Variants in LIG3 observed in about 807,000 individuals in gnomAD.
The protein encoded by LIG3 is ligase II, DNA, ATP-dependent.
Under a neutral mutation model 110.9 loss-of-function variants are expected in LIG3, and 58 were observed. The observed-to-expected ratio is 0.52, with a 90% CI of 0.42 to 0.65. The LOEUF (loss-of-function observed/expected upper bound fraction) is 0.65. Among genes scored for constraint, LIG3 ranks in the 30% least tolerant of loss-of-function variants. The pLI is 0.00. For synonymous variants in LIG3, 422 were observed against 472.8 expected (o/e 0.89, Z 1.39); for missense variants, 1,094 against 1,273.8 (o/e 0.86, Z 2.15).
At position 35,004,284 on chromosome 17, in the gene LIG3, C is replaced by T. The variant is rs1474307181; in HGVS notation, c.2808C>T (p.Asp936=). 1.9e-6 allele frequency: 3 copies of T among 1,614,084 alleles called. No homozygotes were observed. The East Asian group carries it at 6.7e-5, about 36-fold the overall frequency. ...ETLCQTKVLL[D]IFTGVRLYLP... ...CTCTGCATTTGCAGGTATTGCTGGA[C>T]ATCTTCACTGGGGTGCGGCTTTACT... The change falls in exon 20 of 20, where the codon GAC becomes GAT. Residue 936 remains aspartate, a synonymous_variant. Transcript: ENST00000378526.
At chr17:34,982,949 C>T (rs905057987) in intron 1 of LIG3, 53 bp from the exon 2 acceptor site, 9 of 1,430,626 alleles carry the variant, frequency 6.3e-6, no homozygotes, top group Non-Finnish European at 8.4e-6. Flanking sequence ...GGAAGCCTAT[C>T]TCCTTGTTTA....
chr17:34,997,663 G>A (rs1270998231), intron 11 of LIG3, 75 bp from the exon 12 acceptor site: 1 of 1,036,088 alleles, frequency 9.7e-7, no homozygotes, highest in African/African-American at 1.6e-5. Flanking sequence ...TTATCATTGT[G>A]GCCCTTCCTT....
intron 13 of LIG3, 143 bp downstream of exon 13, chr17:34,998,439 G>T (rs1471685917): frequency 2.2e-5 from 24 of 1,096,956 alleles, no homozygotes; most frequent in Non-Finnish European, 3.0e-5. Flanking sequence ...ATGTGTCCTG[G>T]ATCTGGAGGA....
At chr17:34,992,836 T>G (rs1405076705) in intron 8 of LIG3, 144 bp downstream of exon 8, 1 of 791,476 alleles carries the variant, frequency 1.3e-6, no homozygotes, top group Non-Finnish European at 1.8e-6. Flanking sequence ...TGCAAGGGGG[T>G]ATTTCTCTGT....
chr17:34,989,700 G>T, intron 4 of LIG3, 37 bp downstream of exon 4: 2 of 1,600,264 alleles, frequency 1.2e-6, no homozygotes, highest in South Asian at 2.2e-5. Context: ...CTTTCCTCCG[G>T]AGAGCTCAAG....
chr17:34,998,442 C>A, intron 13 of LIG3, 146 bp downstream of exon 13: 2 of 1,100,762 alleles, frequency 1.8e-6, no homozygotes, highest in Non-Finnish European at 2.7e-6. Context: ...TGTCCTGGAT[C>A]TGGAGGACTG....
In LIG3 at chr17:34,992,036, G is replaced by A; in HGVS notation, c.1286+1G>A. On this transcript the variant is annotated splice_donor_variant, in intron 7 of 19. Coordinates refer to ENST00000378526, the MANE Select transcript of LIG3 (RefSeq NM_013975.4). LOFTEE classifies it high-confidence loss of function. Reference sequence around the variant, plus strand: ...AGATGAACTCAGGTGCAAAACATGTGTAAGTAGCAGCTCCGCTGACAGCCT... The same window carrying A: ...AGATGAACTCAGGTGCAAAACATGTATAAGTAGCAGCTCCGCTGACAGCCT... 5 of 1,613,438 alleles carry A rather than the reference G, an allele frequency of 3.1e-6. No individual in the cohort carries two copies. Among genetic ancestry groups the A allele is most frequent in the African/African-American group, 1.3e-5 (1 of 75,064 alleles).
rs1194324267 is a variant in LIG3 at position 34,998,540 on chromosome 17, G to A, written c.1990-64G>A. On this transcript the variant is annotated intron_variant, in intron 13 of 19. Transcript: ENST00000378526. Reference sequence around the variant, plus strand: ...GCTAGATCTGGTGTGTAGCAGTGAAGGGGTGAACCCATCCTCATGGAGTTG... The same window carrying A: ...GCTAGATCTGGTGTGTAGCAGTGAAAGGGTGAACCCATCCTCATGGAGTTG... 5 of 1,590,564 alleles carry A rather than the reference G, an allele frequency of 3.1e-6. No individual in the cohort carries two copies. In the Admixed American group the frequency reaches 5.1e-5, roughly 16 times the overall value.
At chr17:34,993,410 T>A (rs575882918) in intron 8 of LIG3, among the ~76,000 whole-genome samples, 15 of 152,352 alleles carry the variant, frequency 9.8e-5, no homozygotes, top group Non-Finnish European at 1.9e-4. Flanking sequence ...CTGCTAGGAA[T>A]GTGGGATAGC....
In LIG3 at chr17:34,999,356, G is replaced by C. The variant is rs745919959; in HGVS notation, c.2163G>C (p.Gln721His). The change falls in exon 15 of 20, where the codon CAG becomes CAC. Residue 721 changes from glutamine (Q) to histidine (H), a missense_variant. Gln to His is a conservative substitution (Grantham distance 24). Transcript: ENST00000378526. ...FLMGCYDPGS[Q>H]KWCTVTKCAG... ...TGGGCTGCTACGACCCTGGCAGCCA[G>C]AAGTGGTGCACAGTCACCAAGTGTG... The C allele has an allele frequency of 1.2e-6, 2 of 1,614,058 alleles. No individual in the cohort carries two copies. Among genetic ancestry groups the C allele is most frequent in the Non-Finnish European group, 1.7e-6 (2 of 1,179,940 alleles).
chr17:35,005,211 C>A lies in LIG3; in HGVS notation c.*705C>A. 2.3e-6 allele frequency: 1 copy of A among 439,944 alleles called. No individual in the cohort carries two copies. Among genetic ancestry groups the A allele is most frequent in the Non-Finnish European group, 4.6e-6 (1 of 218,104 alleles). 27.3% of individuals were successfully genotyped at this position (439,944 alleles called of 1,614,324 possible). Reference sequence around the variant, plus strand: ...GGATAGAGGGCTCCAGGAAGATCTGCATCCCCAAAACCTGGAAACAAGACT... The same window carrying A: ...GGATAGAGGGCTCCAGGAAGATCTGAATCCCCAAAACCTGGAAACAAGACT... On this transcript the variant is annotated 3_prime_UTR_variant, in exon 20 of 20. Coordinates refer to ENST00000378526, the MANE Select transcript of LIG3 (RefSeq NM_013975.4).
chr17:34,988,421 AT>A (rs1373510819), intron 3 of LIG3, among the ~76,000 whole-genome samples: 2 of 152,100 alleles, frequency 1.3e-5, no homozygotes, highest in Non-Finnish European at 2.9e-5. Context: ...TCATATTTAG[AT>A]TCCGGATCAG....
intron 9 of LIG3, among the ~76,000 whole-genome samples, chr17:34,995,385 T>A (rs996255220): frequency 3.3e-5 from 5 of 152,248 alleles, no homozygotes; most frequent in Non-Finnish European, 7.3e-5. Flanking sequence ...AGACACCATC[T>A]GTGACCCAGG....
Position 34,983,462 on chromosome 17 carries a change from A to G in LIG3, c.457A>G (p.Thr153Ala). The G allele has an allele frequency of 6.2e-7, 1 of 1,614,186 alleles. No homozygotes were observed. The highest frequency in any genetic ancestry group is 8.5e-7 in the Non-Finnish European group (1 of 1,180,032). The change falls in exon 2 of 20, where the codon ACC becomes GCC. Residue 153 changes from threonine to alanine, a missense_variant. Transcript: ENST00000378526. Reference sequence around the variant, plus strand: ...TGAGAAACTAGAGCGGGCCCGGGCCACCACAAAAAAAATCGAGGACCTCAC... The same window carrying G: ...TGAGAAACTAGAGCGGGCCCGGGCCGCCACAAAAAAAATCGAGGACCTCAC... ...MFEKLERARA[T>A]TKKIEDLTEL...
In LIG3 at chr17:34,996,117, G is replaced by C; in HGVS notation, c.1665G>C (p.Met555Ile). The C allele has an allele frequency of 6.2e-7, 1 of 1,614,158 alleles. No individual in the cohort carries two copies. Among genetic ancestry groups the C allele is most frequent in the Non-Finnish European group, 8.5e-7 (1 of 1,180,018 alleles). ...AGGCTTTTCCTGGGGGCCACAGCAT[G>C]ATCTTGGATTCTGAAGTGCTTCTGA... ...IPQAFPGGHS[M>I]ILDSEVLLID... The change falls in exon 10 of 20, where the codon ATG becomes ATC. Residue 555 changes from methionine (M) to isoleucine (I), a missense_variant. Coordinates refer to ENST00000378526, the MANE Select transcript of LIG3 (RefSeq NM_013975.4).
intron 3 of LIG3, among the ~76,000 whole-genome samples, chr17:34,988,043 A>G (rs1016210787): frequency 6.6e-6 from 1 of 151,782 alleles, no homozygotes; most frequent in Non-Finnish European, 1.5e-5. Flanking sequence ...AAATAAAAAA[A>G]TTAGCCGGGC....
chr17:34,997,380 G>T, intron 11 of LIG3: 1 of 197,844 alleles, frequency 5.1e-6, no homozygotes, highest in Non-Finnish European at 1.1e-5. Flanking sequence ...GTTGGCCTTG[G>T]GATCGGGGCA....
downstream of LIG3, chr17:35,010,751 A>AG (rs1472754097): frequency 6.6e-6 from 1 of 151,616 alleles, no homozygotes; most frequent in Non-Finnish European, 1.5e-5. Context: ...GACTCAAAAA[A>AG]AAAAAAAAAA....
intron 11 of LIG3, 156 bp from the exon 12 acceptor site, chr17:34,997,582 A>G: frequency 1.6e-6 from 1 of 614,218 alleles, no homozygotes; most frequent in East Asian, 2.8e-5. Context: ...GAGCCCTTGT[A>G]GCCCTTGACA....
Sources: gnomAD v4.1 joint callset for allele counts (sites outside exome capture counted in the v4.1 genomes callset) on GRCh38, gnomAD v4.1.1 for gene constraint, MANE v1.5 for transcripts, NCBI Gene and HGNC (gene_info 2026-07-23, HGNC 2026-07-21) for gene names.